Variants in CFAP46 observed in about 807,000 individuals in gnomAD.
CFAP46 encodes cilia- and flagella-associated protein 46.
Under a neutral mutation model 325.7 loss-of-function variants are expected in CFAP46, and 245 were observed. The observed-to-expected ratio is 0.75, with a 90% confidence interval of 0.68 to 0.84. The LOEUF is 0.84. CFAP46 is among the 40% of genes least tolerant of loss of function. CFAP46 has a pLI of 0.00. For missense variants in CFAP46, 3,346 were observed against 3,543.0 expected (o/e 0.94, Z 1.41); for synonymous variants, 1,523 against 1,495.9 (o/e 1.02, Z -0.42).
intron 17 of CFAP46, among the ~76,000 whole-genome samples, chr10:132,915,645 G>A (rs927242603): frequency 1.1e-4 from 17 of 152,272 alleles, no homozygotes; most frequent in Middle Eastern, 3.4e-3. Context: ...GCGGGGTGCC[G>A]TGCCCAGCTT....
intron 50 of CFAP46, among the ~76,000 whole-genome samples, chr10:132,831,806 C>CT (rs894521439): frequency 6.6e-6 from 1 of 151,804 alleles, no homozygotes; most frequent in African/African-American, 2.4e-5. Flanking sequence ...TCTCTGTTCC[C>CT]TTTTTTTCTG....
chr10:132,938,573 G>A lies in CFAP46; in HGVS notation c.536+16C>T, dbSNP rs372532062. ...CCCACCGGGAGGCCACAGAGGGCACGGCGAGCTCAACTCACAGCATCAGCT... is the reference window on the plus strand; with the variant it reads ...CCCACCGGGAGGCCACAGAGGGCACAGCGAGCTCAACTCACAGCATCAGCT... On this transcript the variant is annotated intron_variant, in intron 5 of 57. Coordinates refer to ENST00000368586, the MANE Select transcript of CFAP46 (RefSeq NM_001200049.3). 6.7e-5 allele frequency: 108 copies of A among 1,610,154 alleles called. No individual in the cohort carries two copies. Among genetic ancestry groups the A allele is most frequent in the African/African-American group, 2.1e-4 (16 of 74,796 alleles).
intron 50 of CFAP46, among the ~76,000 whole-genome samples, chr10:132,822,169 T>C (rs917590463): frequency 6.0e-5 from 8 of 133,232 alleles, no homozygotes; most frequent in Admixed American, 4.4e-4. Flanking sequence ...GTGCTGTGTG[T>C]GCTGATGTGT....
intron 11 of CFAP46, among the ~76,000 whole-genome samples, chr10:132,923,999 C>T (rs4075000): frequency 1.6e-4 from 25 of 151,974 alleles, no homozygotes; most frequent in East Asian, 9.7e-4. Flanking sequence ...AGACAGGGAG[C>T]GGGGGCTGAG....
At position 132,814,561 on chromosome 10, in the gene CFAP46, C is replaced by A. The variant is rs558035235; in HGVS notation, c.7285+16G>T. 1 of 1,556,108 alleles carries A rather than the reference C, an allele frequency of 6.4e-7. No individual in the cohort carries two copies. The highest frequency in any genetic ancestry group is 1.4e-5 in the African/African-American group (1 of 73,868). ...GCTGGCGTGTGCCTGAACAGGGAGC[C>A]CTGTGCAGCACCCACCTGGGCCCTG... On this transcript the variant is annotated intron_variant, in intron 53 of 57. Coordinates refer to ENST00000368586, the MANE Select transcript of CFAP46 (RefSeq NM_001200049.3).
intron 41 of CFAP46, among the ~76,000 whole-genome samples, 179 bp downstream of exon 41, chr10:132,850,065 G>T (rs1000649142): frequency 6.6e-6 from 1 of 152,216 alleles, no homozygotes; most frequent in Non-Finnish European, 1.5e-5. Flanking sequence ...TCCCAGGTCT[G>T]TTCCGGAAGG....
intron 7 of CFAP46, 149 bp from the exon 8 acceptor site, chr10:132,935,011 G>A (rs1423016657): frequency 1.5e-6 from 1 of 658,272 alleles, no homozygotes; most frequent in African/African-American, 1.8e-5. Context: ...TCAAATTCCT[G>A]AGATGACTTT....
At position 132,877,131 on chromosome 10, in the gene CFAP46, C is replaced by T. The variant is rs1848967852; in HGVS notation, c.4213-170G>A. Among the ~76,000 whole-genome samples the T allele has an allele frequency of 6.6e-6, 1 of 152,208 alleles. No individual in the cohort carries two copies. The highest frequency in any genetic ancestry group is 1.5e-5 in the Non-Finnish European group (1 of 68,036). ...CCAGATCCAGCCTCTGATACTGTTT[C>T]CAGGCAGTGCACGCAAAGCTTTCTG... On this transcript the variant is annotated intron_variant, in intron 30 of 57. Coordinates refer to ENST00000368586, the MANE Select transcript of CFAP46 (RefSeq NM_001200049.3). This position sits in a 1 kb window ranked among gnomAD's most constrained non-coding sequence, Gnocchi z 5.7.
intron 39 of CFAP46, 115 bp downstream of exon 39, chr10:132,857,475 G>A (rs1470157958): frequency 9.7e-7 from 1 of 1,027,128 alleles, no homozygotes; most frequent in East Asian, 2.6e-5. Flanking sequence ...TCTGATCCCT[G>A]TTATTCCATT....
chr10:132,895,222 G>T (rs1309846604), intron 24 of CFAP46, among the ~76,000 whole-genome samples: 2 of 152,204 alleles, frequency 1.3e-5, no homozygotes, highest in Non-Finnish European at 2.9e-5. Context: ...CACACAACCG[G>T]CTCAATTGAC....
In CFAP46 at chr10:132,889,302, G is replaced by A. The variant is rs868794632; in HGVS notation, c.3304+3031C>T. On this transcript the variant is annotated intron_variant, in intron 25 of 57. Transcript: ENST00000368586. This position sits in a 1 kb window ranked among gnomAD's most constrained non-coding sequence, Gnocchi z 6.0. Reference sequence around the variant, plus strand: ...ATTTTTCATGAGACTGCATTCTCCAGAGCCGACCGGCTGGGTCTAGGGAGC... The same window carrying A: ...ATTTTTCATGAGACTGCATTCTCCAAAGCCGACCGGCTGGGTCTAGGGAGC... Among the ~76,000 whole-genome samples the A allele has an allele frequency of 1.3e-5, 2 of 152,206 alleles. No individual in the cohort carries two copies. The highest frequency in any genetic ancestry group is 2.9e-5 in the Non-Finnish European group (2 of 68,044).
chr10:132,888,332 C>A (rs1849198014), intron 25 of CFAP46, among the ~76,000 whole-genome samples: 1 of 136,720 alleles, frequency 7.3e-6, no homozygotes, highest in African/African-American at 2.8e-5. Flanking sequence ...CCCCTGCCGC[C>A]TGCACCTGCC....
At position 132,838,544 on chromosome 10, in the gene CFAP46, G is replaced by A. The variant is rs190035254; in HGVS notation, c.6439-1630C>T. ...TTCTGCCGGGCCTCTGGCTTGCGCCGTGGGCTTCACCCAGGTGGAGCGTGG... is the reference window on the plus strand; with the variant it reads ...TTCTGCCGGGCCTCTGGCTTGCGCCATGGGCTTCACCCAGGTGGAGCGTGG... On this transcript the variant is annotated intron_variant, in intron 44 of 57. Coordinates refer to ENST00000368586, the MANE Select transcript of CFAP46 (RefSeq NM_001200049.3). Among the ~76,000 whole-genome samples, 99 of 152,396 alleles carry A rather than the reference G, an allele frequency of 6.5e-4. 1 individual carries two copies. Among genetic ancestry groups the A allele is most frequent in the African/African-American group, 2.2e-3 (91 of 41,602 alleles).
intron 22 of CFAP46, among the ~76,000 whole-genome samples, chr10:132,906,450 C>T (rs1448168673): frequency 6.6e-6 from 1 of 151,966 alleles, no homozygotes; most frequent in Non-Finnish European, 1.5e-5. Flanking sequence ...TGAACGGGGT[C>T]CTGGCGCGTG....
intron 50 of CFAP46, among the ~76,000 whole-genome samples, chr10:132,818,504 A>C (rs1036771386): frequency 6.6e-6 from 1 of 152,032 alleles, no homozygotes; most frequent in East Asian, 1.9e-4. Context: ...AAGGAAGCCC[A>C]CTCTTGACTA....
chr10:132,934,003 G>A (rs1007526537), intron 8 of CFAP46, among the ~76,000 whole-genome samples: 18 of 152,140 alleles, frequency 1.2e-4, no homozygotes, highest in African/African-American at 1.4e-4. Context: ...ACCTGTGCCC[G>A]GGTACCTGAA....
At chr10:132,814,521 G>A (rs1021078483) in intron 53 of CFAP46, 56 bp downstream of exon 53, 103 of 1,544,554 alleles carry the variant, frequency 6.7e-5, no homozygotes, top group African/African-American at 2.3e-4. Flanking sequence ...ACTGCAGGAC[G>A]GCAGGAGGCC....
intron 35 of CFAP46, among the ~76,000 whole-genome samples, chr10:132,864,511 CACCTGCCCCCCTGCCTGAG>C (rs1435533771): frequency 4.9e-4 from 64 of 131,684 alleles, no homozygotes; most frequent in Admixed American, 1.2e-3. Flanking sequence ...GACCTACACA[CACCTGCCCCCCTGCCTGAG>C]ACCTGCACAC....
intron 7 of CFAP46, among the ~76,000 whole-genome samples, chr10:132,935,523 T>C (rs1279739579): frequency 7.8e-4 from 104 of 132,564 alleles, no homozygotes; most frequent in Admixed American, 1.2e-3. Flanking sequence ...CCAAACACAC[T>C]GTGATCTCCT....
Sources: allele counts gnomAD v4.1 joint callset (sites outside exome capture counted in the v4.1 genomes callset), GRCh38; gene constraint gnomAD v4.1.1; non-coding constraint Gnocchi (gnomAD v3.1); transcripts MANE v1.5; gene names NCBI Gene and HGNC (gene_info 2026-07-23, HGNC 2026-07-21).